The following CSGALNACT1 variants were observed in gnomAD, a reference collection of about 807,000 sequenced individuals.
The protein encoded by CSGALNACT1 is chondroitin sulfate N-acetylgalactosaminyltransferase 1.
In CSGALNACT1, 52 loss-of-function variants were observed where a neutral mutation model predicts 51.0. The observed-to-expected ratio is 1.02, with a 90% confidence interval of 0.82 to 1.29. The LOEUF (loss-of-function observed/expected upper bound fraction) is 1.29, where lower values mean the gene tolerates loss of function less well. Among genes scored for constraint, CSGALNACT1 ranks in the 50% most tolerant of loss-of-function variants. The pLI is 0.00. For missense variants in CSGALNACT1, 935 were observed against 679.2 expected, an observed-to-expected ratio of 1.38 and a Z score of -4.19; for synonymous variants, 341 against 254.4, an observed-to-expected ratio of 1.34 and a Z score of -3.24.
intron 3 of CSGALNACT1, among the ~76,000 whole-genome samples, chr8:19,507,731 G>A (rs1285785801): frequency 7.2e-5 from 11 of 152,108 alleles, no homozygotes; most frequent in Admixed American, 4.6e-4. Context: ...GGGTTCAAGC[G>A]ATTCCCCTGC....
At chr8:19,533,672 G>C (rs2083211376) in intron 3 of CSGALNACT1, among the ~76,000 whole-genome samples, 1 of 152,058 alleles carries the variant, frequency 6.6e-6, no homozygotes, top group Non-Finnish European at 1.5e-5. Context: ...GCAAGGAATG[G>C]CTCTTCCTCT....
chr8:19,654,994 G>T (rs1215868997), intron 1 of CSGALNACT1, among the ~76,000 whole-genome samples: 1 of 151,894 alleles, frequency 6.6e-6, no homozygotes, highest in Non-Finnish European at 1.5e-5. Flanking sequence ...AATTAAAAAG[G>T]AAGAAAGACT....
At chr8:19,501,087 T>G (rs1255786977) in intron 4 of CSGALNACT1, among the ~76,000 whole-genome samples, 1 of 151,382 alleles carries the variant, frequency 6.6e-6, no homozygotes, top group Non-Finnish European at 1.5e-5. Flanking sequence ...CCATCTCTAC[T>G]AAAAATACAA....
intron 7 of CSGALNACT1, among the ~76,000 whole-genome samples, chr8:19,419,650 G>A (rs571667884): frequency 3.9e-5 from 6 of 152,034 alleles, no homozygotes; most frequent in Non-Finnish European, 7.4e-5. Flanking sequence ...TTCTCTTTAG[G>A]GTTGGCAGTT....
chr8:19,639,918 G>T (rs545352436), intron 1 of CSGALNACT1, among the ~76,000 whole-genome samples: 1 of 150,106 alleles, frequency 6.7e-6, no homozygotes, highest in South Asian at 2.1e-4. Flanking sequence ...GTTTCATTCC[G>T]TCTCTCAGGC....
At position 19,757,853 on chromosome 8, in the gene CSGALNACT1, G is replaced by T. The variant is rs953440936; in HGVS notation, c.-300C>A. ...CCCCTAGAGAGCTTTTACTTACAGC[G>T]AAGGTCAGGAACCCCTGTAACTCTC... On this transcript the variant is annotated 5_prime_UTR_variant, in exon 1 of 2. Coordinates refer to the CSGALNACT1 transcript ENST00000517494. This position sits in a 1 kb window ranked among gnomAD's most constrained non-coding sequence, Gnocchi z 4.0. 5 of 152,228 alleles carry T rather than the reference G, an allele frequency of 3.3e-5. No homozygotes were observed. Among genetic ancestry groups the T allele is most frequent in the African/African-American group, 1.2e-4 (5 of 41,440 alleles). 9.4% of individuals were successfully genotyped at this position (152,228 alleles called of 1,614,324 possible).
chr8:19,679,819 T>G (rs1336993166), intron 1 of CSGALNACT1, among the ~76,000 whole-genome samples: 1 of 152,162 alleles, frequency 6.6e-6, no homozygotes, highest in Non-Finnish European at 1.5e-5. Context: ...GGCAACACTT[T>G]ACCTGCGGCT....
chr8:19,753,867 T>A (rs2154254605), intron 1 of CSGALNACT1, among the ~76,000 whole-genome samples: 1 of 152,282 alleles, frequency 6.6e-6, no homozygotes, highest in East Asian at 1.9e-4. Context: ...CACAAACAAA[T>A]AAAAACACCT....
intron 3 of CSGALNACT1, among the ~76,000 whole-genome samples, chr8:19,523,138 T>C (rs994620227): frequency 2.0e-5 from 3 of 152,060 alleles, no homozygotes; most frequent in Non-Finnish European, 4.4e-5. Flanking sequence ...CACGTAACAG[T>C]GACCTACACT....
intron 1 of CSGALNACT1, among the ~76,000 whole-genome samples, chr8:19,623,130 T>C (rs2054032495): frequency 1.3e-5 from 2 of 152,152 alleles, no homozygotes; most frequent in South Asian, 4.1e-4. Flanking sequence ...TTAAAAAACA[T>C]ATGCAAATAC....
chr8:19,680,415 G>A (rs771121367), intron 1 of CSGALNACT1, among the ~76,000 whole-genome samples: 20 of 152,060 alleles, frequency 1.3e-4, no homozygotes, highest in Non-Finnish European at 1.9e-4. Context: ...AATCAGCCGG[G>A]TGTGGTGGCG....
chr8:19,714,164 C>G (rs981772208), intron 1 of CSGALNACT1, among the ~76,000 whole-genome samples: 4 of 152,232 alleles, frequency 2.6e-5, no homozygotes, highest in South Asian at 2.1e-4. Flanking sequence ...TCCTGTTGAT[C>G]TCTTGCTCCA....
At chr8:19,548,037 G>T (rs1253968749) in intron 3 of CSGALNACT1, among the ~76,000 whole-genome samples, 1 of 152,184 alleles carries the variant, frequency 6.6e-6, no homozygotes, top group African/African-American at 2.4e-5. Flanking sequence ...CATTAACTCT[G>T]TGAGGTTGAA....
At chr8:19,573,235 A>G (rs1404368369) in intron 3 of CSGALNACT1, among the ~76,000 whole-genome samples, 1 of 152,212 alleles carries the variant, frequency 6.6e-6, no homozygotes, top group African/African-American at 2.4e-5. Flanking sequence ...TCATTCAAAC[A>G]TCAACTGACT....
intron 1 of CSGALNACT1, among the ~76,000 whole-genome samples, chr8:19,661,054 A>G (rs1477345185): frequency 6.6e-6 from 1 of 150,798 alleles, no homozygotes; most frequent in Non-Finnish European, 1.5e-5. Context: ...CTGGGTCTAC[A>G]GGTGCATGCC....
intron 8 of CSGALNACT1, among the ~76,000 whole-genome samples, chr8:19,416,274 C>T (rs1220099005): frequency 6.6e-6 from 1 of 151,916 alleles, no homozygotes; most frequent in Non-Finnish European, 1.5e-5. Context: ...ACCACCATGC[C>T]CAGCTAATTT....
chr8:19,411,978 G>A (rs371007027), intron 8 of CSGALNACT1, among the ~76,000 whole-genome samples: 14 of 151,904 alleles, frequency 9.2e-5, no homozygotes, highest in African/African-American at 2.9e-4. Context: ...TTACAGGCAC[G>A]TACCACCATG....
chr8:19,551,488 G>C (rs959896010), intron 3 of CSGALNACT1, among the ~76,000 whole-genome samples: 1 of 152,186 alleles, frequency 6.6e-6, no homozygotes, highest in African/African-American at 2.4e-5. Context: ...AGACAGATTA[G>C]AGCATTTCCT....
chr8:19,715,863 C>A (rs906686066), intron 1 of CSGALNACT1, among the ~76,000 whole-genome samples: 4 of 152,068 alleles, frequency 2.6e-5, no homozygotes, highest in Non-Finnish European at 5.9e-5. Flanking sequence ...TCTAGTGATA[C>A]CCTGTGTTCA....
Sources: gnomAD v4.1 joint callset for allele counts (sites outside exome capture counted in the v4.1 genomes callset) on GRCh38, gnomAD v4.1.1 for gene constraint, Gnocchi (gnomAD v3.1) non-coding constraint, MANE v1.5 for transcripts, NCBI Gene and HGNC (gene_info 2026-07-23, HGNC 2026-07-21) for gene names.